Variants in ARHGAP32 observed in about 807,000 individuals in gnomAD.
ARHGAP32 encodes the protein Rho GTPase activating protein 32.
ARHGAP32 carries 51 observed loss-of-function variants against 186.5 expected under a neutral mutation model. The ratio of observed to expected loss-of-function variants is 0.27; its 90% CI spans 0.22 to 0.35. The LOEUF is 0.35. Ranked by LOEUF, ARHGAP32 falls within the 10% of genes least tolerant of loss-of-function variation. The pLI is 1.00. For synonymous variants in ARHGAP32, 950 were observed against 964.3 expected (o/e 0.99, Z 0.27); for missense variants, 2,186 against 2,623.5 (o/e 0.83, Z 3.64).
At chr11:128,994,286 C>T (rs1201386049) in intron 12 of ARHGAP32, among the ~76,000 whole-genome samples, 1 of 151,980 alleles carries the variant, frequency 6.6e-6, no homozygotes. Flanking sequence ...TCCTGAGTAG[C>T]TAGGATTACA....
intron 2 of ARHGAP32, among the ~76,000 whole-genome samples, chr11:129,139,756 G>GT (rs1458586846): frequency 2.0e-5 from 3 of 152,186 alleles, no homozygotes; most frequent in African/African-American, 7.2e-5. Flanking sequence ...ATGTGGAACT[G>GT]TAAGTCCATT....
chr11:129,137,783 C>T (rs1430436462), intron 2 of ARHGAP32, among the ~76,000 whole-genome samples: 1 of 151,966 alleles, frequency 6.6e-6, no homozygotes, highest in Admixed American at 6.6e-5. Context: ...CAGTCACATG[C>T]AGATGATGTA....
intron 1 of ARHGAP32, among the ~76,000 whole-genome samples, chr11:129,254,143 T>A (rs1028169897): frequency 5.9e-5 from 9 of 152,074 alleles, no homozygotes; most frequent in Non-Finnish European, 8.8e-5. Flanking sequence ...TACGCCCTTG[T>A]AACTCACCAT....
intron 1 of ARHGAP32, among the ~76,000 whole-genome samples, chr11:129,264,493 G>A (rs753719800): frequency 2.6e-5 from 4 of 152,256 alleles, no homozygotes; most frequent in Non-Finnish European, 5.9e-5. Context: ...AGAAGAGTTC[G>A]TAGCATGTCC....
chr11:129,027,116 A>T (rs1406948436), intron 11 of ARHGAP32, among the ~76,000 whole-genome samples: 1 of 151,442 alleles, frequency 6.6e-6, no homozygotes. Context: ...AAAAAAAAAA[A>T]TTACCTGGAT....
intron 5 of ARHGAP32, among the ~76,000 whole-genome samples, chr11:129,112,699 A>C (rs886370657): frequency 6.6e-6 from 1 of 152,156 alleles, no homozygotes; most frequent in Non-Finnish European, 1.5e-5. Context: ...TAAAATTACC[A>C]AACCATCCTT....
rs569198981 is a variant in ARHGAP32 at position 129,224,820 on chromosome 11, A to T, written c.-5+54326T>A. Among the ~76,000 whole-genome samples the T allele has an allele frequency of 1.4e-4, 22 of 152,088 alleles. No individual in the cohort carries two copies. In the East Asian group the frequency reaches 4.3e-3, roughly 29 times the overall value. ...TCTTCCCCACAAGCATTTGCCTAAA[A>T]TATTTAGAGGGCCAGGTGGGGTGGC... On this transcript the variant is annotated intron_variant, in intron 1 of 6. Coordinates refer to the ARHGAP32 transcript ENST00000525234.
chr11:128,987,130 C>T (rs11221527), intron 13 of ARHGAP32, among the ~76,000 whole-genome samples: 41,875 of 152,012 alleles, frequency 0.28, 6,267 homozygotes, highest in Middle Eastern at 0.4. Context: ...AAGTCAGAAA[C>T]AACATAAAGC....
At chr11:129,157,523 T>C (rs1943434586) in intron 2 of ARHGAP32, among the ~76,000 whole-genome samples, 1 of 151,014 alleles carries the variant, frequency 6.6e-6, no homozygotes, top group South Asian at 2.1e-4. Flanking sequence ...GAAGACAAGA[T>C]TAGAGAAAAA....
chr11:129,194,620 C>T (rs969669380), upstream of ARHGAP32, among the ~76,000 whole-genome samples: 6 of 151,978 alleles, frequency 3.9e-5, no homozygotes, highest in Admixed American at 6.6e-5. Context: ...GTTGTCTCCA[C>T]GGAGGAAAAC....
In ARHGAP32 at chr11:129,015,194, G is replaced by C. The variant is rs1427670927; in HGVS notation, c.1046-16726C>G. 1.3e-5 allele frequency among the ~76,000 whole-genome samples: 2 copies of C among 152,102 alleles called. 1 individual carries two copies. Among genetic ancestry groups the C allele is most frequent in the Non-Finnish European group, 2.9e-5 (2 of 68,016 alleles). On this transcript the variant is annotated intron_variant, in intron 11 of 22. Transcript: ENST00000682385. The stretch of plus-strand genomic sequence containing the variant: ...CTGACTACTATTTAAAAGCCTACTG[G>C]CTTAATGCTTAATCAGCTTTGTATT...
chr11:129,000,988 C>T (rs11221533), intron 11 of ARHGAP32, among the ~76,000 whole-genome samples: 29,451 of 152,056 alleles, frequency 0.19, 3,035 homozygotes, highest in Non-Finnish European at 0.22. Context: ...GAATACTACC[C>T]CATTGTGTAT....
Position 129,062,361 on chromosome 11 carries a change from G to A in ARHGAP32, c.886-4C>T. ...TAACAGAAACAATGTCTCCCACCTA[G>A]GAGAATCAAAATTTTAAGCAAAATG... On this transcript the variant is annotated splice_polypyrimidine_tract_variant and splice_region_variant and intron_variant, in intron 9 of 22. Coordinates refer to ENST00000682385, the MANE Select transcript of ARHGAP32 (RefSeq NM_001378024.1). 1 of 1,610,550 alleles carries A rather than the reference G, an allele frequency of 6.2e-7. No homozygotes were observed. Among genetic ancestry groups the A allele is most frequent in the Non-Finnish European group, 8.5e-7 (1 of 1,178,190 alleles).
upstream of ARHGAP32, among the ~76,000 whole-genome samples, chr11:129,193,030 T>G (rs1944297834): frequency 6.6e-6 from 1 of 152,084 alleles, no homozygotes; most frequent in African/African-American, 2.4e-5. Flanking sequence ...AAGAGCCATG[T>G]TGACAGAAAC....
At chr11:129,245,683 T>C (rs1945084708) in intron 1 of ARHGAP32, among the ~76,000 whole-genome samples, 1 of 140,034 alleles carries the variant, frequency 7.1e-6, no homozygotes, top group Non-Finnish European at 1.5e-5. Context: ...ATAATAATAA[T>C]AATAATAATA....
At chr11:129,201,380 T>A (rs1200047843) in intron 1 of ARHGAP32, among the ~76,000 whole-genome samples, 1 of 152,196 alleles carries the variant, frequency 6.6e-6, no homozygotes, top group South Asian at 2.1e-4. Flanking sequence ...GATCACTAAC[T>A]TTTCATTATT....
intron 1 of ARHGAP32, among the ~76,000 whole-genome samples, chr11:129,262,558 AT>A (rs1440733649): frequency 6.6e-6 from 1 of 151,378 alleles, no homozygotes; most frequent in African/African-American, 2.4e-5. Context: ...TAATTTTTGT[AT>A]TTTTTTTAGT....
rs1035801569 is a variant in ARHGAP32, at chr11:128,998,235, T to C, written c.1195+84A>G. 29 of 1,183,550 alleles carry C rather than the reference T, an allele frequency of 2.5e-5. 1 individual carries two copies. In the South Asian group the frequency reaches 4.3e-4, roughly 18 times the overall value. The allele number at this position is 1,183,550 out of a possible 1,614,324, so 73.3% of individuals were successfully genotyped here. A position where few individuals can be genotyped will look rare whatever the true frequency, so the allele number is the denominator to read the frequency against. The stretch of plus-strand genomic sequence containing the variant: ...TGAAATGAAACAGGTATCATTTGAC[T>C]AAATCTACTCCATAATTGGTTATAG... On this transcript the variant is annotated intron_variant, in intron 12 of 22. Transcript: ENST00000682385.
intron 10 of ARHGAP32, among the ~76,000 whole-genome samples, chr11:129,056,680 CACAT>C (rs945082013): frequency 5.3e-5 from 8 of 152,206 alleles, no homozygotes; most frequent in East Asian, 1.9e-4. Context: ...AGATCACACA[CACAT>C]AGTGTGACCT....
Sources: allele counts gnomAD v4.1 joint callset (sites outside exome capture counted in the v4.1 genomes callset), GRCh38; gene constraint gnomAD v4.1.1; transcripts MANE v1.5; gene names NCBI Gene and HGNC (gene_info 2026-07-23, HGNC 2026-07-21).